ATP13A3: variants seen among roughly 807,000 people sequenced by gnomAD.
ATP13A3 encodes ATPase 13A3.
In ATP13A3, 59 loss-of-function variants were observed where a neutral mutation model predicts 158.1. The observed-to-expected ratio is 0.37, with a 90% CI of 0.30 to 0.46. ATP13A3 has a LOEUF of 0.46. Ranked by LOEUF, ATP13A3 falls within the 20% of genes least tolerant of loss-of-function variation. The probability of loss-of-function intolerance (pLI) is 1.00; values close to 1 mark genes in which losing one functional copy is unlikely to be tolerated. For synonymous variants in ATP13A3, 491 were observed against 504.3 expected (o/e 0.97, Z 0.35); for missense variants, 1,166 against 1,525.2 (o/e 0.76, Z 3.92).
At chr3:194,475,445 C>T (rs891079730) in intron 2 of ATP13A3, among the ~76,000 whole-genome samples, 5 of 152,150 alleles carry the variant, frequency 3.3e-5, no homozygotes, top group African/African-American at 1.2e-4. Flanking sequence ...ATAAATGTAA[C>T]TCATAGGTAC....
At chr3:194,446,346 A>AT (rs36036467) in intron 14 of ATP13A3, among the ~76,000 whole-genome samples, 36,643 of 151,874 alleles carry the variant, frequency 0.24, 5,404 homozygotes, top group African/African-American at 0.42. Flanking sequence ...TTCCTCCCAC[A>AT]TCAAAGCTAC....
At chr3:194,465,533 A>G (rs1262442977) in intron 2 of ATP13A3, among the ~76,000 whole-genome samples, 1 of 152,016 alleles carries the variant, frequency 6.6e-6, no homozygotes, top group African/African-American at 2.4e-5. Flanking sequence ...ACAATGGAAA[A>G]CCCCATTAGC....
intron 20 of ATP13A3, 38 bp from the exon 21 acceptor site, chr3:194,433,934 C>G (rs772313856): frequency 1.9e-6 from 3 of 1,590,724 alleles, no homozygotes; most frequent in Non-Finnish European, 1.7e-6. Context: ...ATGGTTTAGT[C>G]AATTGAGTAA....
intron 14 of ATP13A3, among the ~76,000 whole-genome samples, chr3:194,446,651 C>T (rs573087034): frequency 6.6e-6 from 1 of 152,220 alleles, no homozygotes; most frequent in Middle Eastern, 3.4e-3. Flanking sequence ...CAAAATATGG[C>T]ATAGGAACTT....
chr3:194,404,166 G>A lies in ATP13A3; in HGVS notation c.*1753C>T, dbSNP rs2108681678. Reference sequence around the variant, plus strand: ...CTATAGAAAATAGTGCTAATTCACAGCTCAAGAGGTCTAAGATGCATAGCT... The same window carrying A: ...CTATAGAAAATAGTGCTAATTCACAACTCAAGAGGTCTAAGATGCATAGCT... On this transcript the variant is annotated 3_prime_UTR_variant, in exon 34 of 34. Transcript: ENST00000645319. 2.2e-6 allele frequency: 1 copy of A among 447,246 alleles called. No individual in the cohort carries two copies. The highest frequency in any genetic ancestry group is 4.5e-6 in the Non-Finnish European group (1 of 224,614). 27.7% of individuals were successfully genotyped at this position (447,246 alleles called of 1,614,324 possible).
intron 31 of ATP13A3, among the ~76,000 whole-genome samples, chr3:194,418,821 G>A (rs1716080800): frequency 6.6e-6 from 1 of 152,216 alleles, no homozygotes; most frequent in Admixed American, 6.5e-5. Flanking sequence ...AGTAGTGGAA[G>A]GAGTATATTA....
chr3:194,459,527 GGTGAAATAACGAATCT>G lies in ATP13A3; in HGVS notation c.409-2_422del. 6.2e-7 allele frequency: 1 copy of G among 1,604,006 alleles called. No individual in the cohort carries two copies. The highest frequency in any genetic ancestry group is 8.5e-7 in the Non-Finnish European group (1 of 1,171,786). On this transcript the variant is annotated splice_acceptor_variant and coding_sequence_variant, in exon 6 of 34. Coordinates refer to ENST00000645319, the MANE Select transcript of ATP13A3 (RefSeq NM_001367549.1). LOFTEE classifies it high-confidence loss of function. ...TCCAGAAATATTTTACACTATGGTG[GGTGAAATAACGAATCT>G]GTGGAACACAAATAAACGTTACACC...
intron 13 of ATP13A3, 36 bp from the exon 14 acceptor site, chr3:194,447,151 G>C: frequency 2.0e-6 from 3 of 1,533,220 alleles, no homozygotes; most frequent in Non-Finnish European, 1.8e-6. Context: ...CAAATCCCCA[G>C]TATTATTTAC....
chr3:194,472,733 A>T (rs1452472425), intron 2 of ATP13A3, among the ~76,000 whole-genome samples: 1 of 152,242 alleles, frequency 6.6e-6, no homozygotes, highest in Non-Finnish European at 1.5e-5. Context: ...AATAGCAAAG[A>T]CATGGAATCA....
In ATP13A3 at chr3:194,408,169, G is replaced by A. The variant is rs547253943; in HGVS notation, c.3574-2053C>T. 2.9e-4 allele frequency among the ~76,000 whole-genome samples: 44 copies of A among 152,024 alleles called. No homozygotes were observed. In the Middle Eastern group the frequency reaches 0.01, roughly 35 times the overall value. ...CAAGTAGCTGGGACTACAGGCACGC[G>A]CCACCACGCCCGGCTAATTTTTTGT... is the stretch of plus-strand genomic sequence containing the variant. On this transcript the variant is annotated intron_variant, in intron 33 of 33. Transcript: ENST00000645319.
At chr3:194,487,651 A>G (rs988809640), upstream of ATP13A3, 2 of 152,206 alleles carry the variant, frequency 1.3e-5, no homozygotes, top group Admixed American at 1.3e-4. Context: ...CCCTCCGCAG[A>G]AGACTTATCT....
intron 2 of ATP13A3, among the ~76,000 whole-genome samples, chr3:194,468,959 C>A (rs1255438173): frequency 1.3e-5 from 2 of 152,048 alleles, no homozygotes; most frequent in Non-Finnish European, 2.9e-5. Flanking sequence ...CATGGTGAAA[C>A]CCCATCTCTA....
At chr3:194,460,373 C>T (rs539495315) in intron 4 of ATP13A3, among the ~76,000 whole-genome samples, 3 of 152,300 alleles carry the variant, frequency 2.0e-5, no homozygotes, top group Admixed American at 6.5e-5. Flanking sequence ...ATCTGGACTA[C>T]AGTCCTAATG....
chr3:194,421,980 G>C (rs1485871044), intron 30 of ATP13A3, among the ~76,000 whole-genome samples: 1 of 135,064 alleles, frequency 7.4e-6, no homozygotes, highest in Non-Finnish European at 1.5e-5. Flanking sequence ...AAGCACAGAA[G>C]CTTCTTTACA....
At chr3:194,425,135 C>T (rs562688908) in intron 30 of ATP13A3, among the ~76,000 whole-genome samples, 4 of 152,364 alleles carry the variant, frequency 2.6e-5, no homozygotes, top group African/African-American at 9.6e-5. Context: ...TGAAAAACAA[C>T]AGTGCTTAAC....
intron 16 of ATP13A3, among the ~76,000 whole-genome samples, chr3:194,441,103 G>A (rs1345255393): frequency 6.6e-6 from 1 of 152,122 alleles, no homozygotes; most frequent in Non-Finnish European, 1.5e-5. Context: ...TATTAAAGGT[G>A]TACTAAATGG....
chr3:194,468,397 A>C lies in ATP13A3; in HGVS notation c.-46-6161T>G, dbSNP rs1720125683. 3.3e-5 allele frequency among the ~76,000 whole-genome samples: 5 copies of C among 149,994 alleles called. No homozygotes were observed. The South Asian group carries it at 1.0e-3, about 31-fold the overall frequency. Reference sequence around the variant, plus strand: ...TTGCTGTGTGAGTTTAAAAAAAAAAAAAAAAAAACAGTATGGGACAAAGTG... The same window carrying C: ...TTGCTGTGTGAGTTTAAAAAAAAAACAAAAAAAACAGTATGGGACAAAGTG... On this transcript the variant is annotated intron_variant, in intron 2 of 33. Transcript: ENST00000645319.
intron 16 of ATP13A3, 125 bp from the exon 17 acceptor site, chr3:194,439,097 G>T: frequency 1.7e-6 from 1 of 571,858 alleles, no homozygotes; most frequent in South Asian, 2.6e-5. Context: ...TAAAAAAAAT[G>T]TATGTCCAAG....
intron 10 of ATP13A3, chr3:194,450,869 C>G (rs963027517): frequency 6.6e-6 from 1 of 151,966 alleles, no homozygotes; most frequent in Non-Finnish European, 1.5e-5. Context: ...TATTTCCTTA[C>G]AAATTTTAGT....
Sources: allele counts gnomAD v4.1 joint callset (sites outside exome capture counted in the v4.1 genomes callset), GRCh38; gene constraint gnomAD v4.1.1; transcripts MANE v1.5; gene names NCBI Gene and HGNC (gene_info 2026-07-23, HGNC 2026-07-21).